Variants in FER1L6 observed in about 807,000 individuals in gnomAD.
The protein encoded by FER1L6 is fer-1-like protein 6.
In FER1L6, 177 loss-of-function variants were observed where a neutral mutation model predicts 219.2. The ratio of observed to expected loss-of-function variants is 0.81; its 90% CI spans 0.71 to 0.91. The LOEUF is 0.91. FER1L6 is among the 40% of genes least tolerant of loss of function. The pLI, the probability that FER1L6 is intolerant of heterozygous loss-of-function variation, is 0.00. For synonymous variants in FER1L6, 768 were observed against 824.3 expected (o/e 0.93, Z 1.17); for missense variants, 2,153 against 2,259.9 (o/e 0.95, Z 0.96).
At chr8:123,930,854 A>T (rs369524269) in intron 1 of FER1L6, among the ~76,000 whole-genome samples, 1 of 152,104 alleles carries the variant, frequency 6.6e-6, no homozygotes, top group African/African-American at 2.4e-5. Flanking sequence ...GCCTCTGATG[A>T]CTTGGGATGG....
rs546965617 is a variant in FER1L6 at position 123,920,040 on chromosome 8, T to A, written c.-7-35952T>A. Among the ~76,000 whole-genome samples, 6 of 152,298 alleles carry A rather than the reference T, an allele frequency of 3.9e-5. No homozygotes were observed. The East Asian group carries it at 1.2e-3, about 29-fold the overall frequency. Reference sequence around the variant, plus strand: ...TCTCTTACAAAACACAATTTCAAATTCTTATGAAGAATTGCAAGGTGGTGA... The same window carrying A: ...TCTCTTACAAAACACAATTTCAAATACTTATGAAGAATTGCAAGGTGGTGA... On this transcript the variant is annotated intron_variant, in intron 1 of 40. Transcript: ENST00000522917.
chr8:123,971,558 C>T (rs1815818096), intron 6 of FER1L6, among the ~76,000 whole-genome samples: 1 of 152,202 alleles, frequency 6.6e-6, no homozygotes, highest in Non-Finnish European at 1.5e-5. Context: ...TCAAAGCTAC[C>T]ATTGCCTATC....
chr8:123,867,252 C>T (rs1816852256), intron 1 of FER1L6, among the ~76,000 whole-genome samples: 1 of 152,168 alleles, frequency 6.6e-6, no homozygotes, highest in Admixed American at 6.5e-5. Context: ...TATGGTGTGA[C>T]ATTTTCATTT....
intron 11 of FER1L6, chr8:123,985,842 GA>G: frequency 2.3e-6 from 1 of 439,764 alleles, no homozygotes; most frequent in Non-Finnish European, 4.0e-6. Context: ...TAGAAGCTCA[GA>G]AGGTTGAGAC....
At chr8:124,051,406 C>T (rs147737571) in intron 22 of FER1L6, among the ~76,000 whole-genome samples, 1 of 152,132 alleles carries the variant, frequency 6.6e-6, no homozygotes, top group Non-Finnish European at 1.5e-5. Flanking sequence ...GATACAGGCC[C>T]CTCAACCTCA....
intron 1 of FER1L6, among the ~76,000 whole-genome samples, chr8:123,937,550 T>C (rs541929286): frequency 1.3e-5 from 2 of 152,264 alleles, no homozygotes; most frequent in Admixed American, 6.5e-5. Flanking sequence ...ATACTCACGT[T>C]GGAAAGAAGA....
intron 25 of FER1L6, among the ~76,000 whole-genome samples, chr8:124,063,645 T>A (rs1820693196): frequency 1.3e-5 from 2 of 152,168 alleles, no homozygotes; most frequent in Non-Finnish European, 2.9e-5. Flanking sequence ...TTTCTTTGTG[T>A]CTATGCCCAG....
At chr8:123,921,882 G>T (rs34895349) in intron 1 of FER1L6, among the ~76,000 whole-genome samples, 1 of 151,964 alleles carries the variant, frequency 6.6e-6, no homozygotes, top group Admixed American at 6.6e-5. Flanking sequence ...TTGTCAAGCC[G>T]CTTGTAACGT....
chr8:123,869,913 C>G (rs763086637), intron 1 of FER1L6, among the ~76,000 whole-genome samples: 4 of 152,174 alleles, frequency 2.6e-5, no homozygotes, highest in East Asian at 3.8e-4. Context: ...GTCAATTGCT[C>G]TTTTACAAAG....
chr8:123,875,280 A>C (rs1339082164), intron 1 of FER1L6, among the ~76,000 whole-genome samples: 1 of 152,164 alleles, frequency 6.6e-6, no homozygotes, highest in Non-Finnish European at 1.5e-5. Flanking sequence ...TTCTCTCTTG[A>C]ATCAACTCTG....
At chr8:123,988,725 T>G (rs975581917) in intron 12 of FER1L6, among the ~76,000 whole-genome samples, 1 of 152,228 alleles carries the variant, frequency 6.6e-6, no homozygotes, top group African/African-American at 2.4e-5. Context: ...AGGTTTTTGG[T>G]GGAATATTTA....
intron 1 of FER1L6, among the ~76,000 whole-genome samples, chr8:123,919,357 T>C (rs7821233): frequency 0.33 from 50,187 of 152,186 alleles, 8,790 homozygotes; most frequent in East Asian, 0.45. Context: ...GCTTTGCATT[T>C]ACTCTTTATG....
rs771855059 is a variant in FER1L6 at position 123,973,525 on chromosome 8, C to T, written c.526+13C>T. 1.3e-6 allele frequency: 2 copies of T among 1,598,038 alleles called. No individual in the cohort carries two copies. Among genetic ancestry groups the T allele is most frequent in the African/African-American group, 1.3e-5 (1 of 74,678 alleles). On this transcript the variant is annotated intron_variant, in intron 7 of 40. Coordinates refer to ENST00000522917, the MANE Select transcript of FER1L6 (RefSeq NM_001039112.2). ...TACAACCAACCTGGTAAGAAAACAT[C>T]ACCTCCCCATCTGTATCTCACTTGT... is the stretch of plus-strand genomic sequence containing the variant.
chr8:123,857,676 T>G (rs1816671824), intron 1 of FER1L6, among the ~76,000 whole-genome samples: 1 of 152,148 alleles, frequency 6.6e-6, no homozygotes, highest in African/African-American at 2.4e-5. Context: ...ATGGATGGGC[T>G]CGTCCTGGTG....
intron 12 of FER1L6, among the ~76,000 whole-genome samples, chr8:123,996,411 T>A (rs764199712): frequency 8.5e-5 from 13 of 152,302 alleles, no homozygotes; most frequent in Non-Finnish European, 1.8e-4. Flanking sequence ...TTCATAATTT[T>A]TATGTTGAAA....
intron 39 of FER1L6, among the ~76,000 whole-genome samples, chr8:124,114,870 A>C (rs1404000589): frequency 1.4e-5 from 2 of 143,814 alleles, no homozygotes; most frequent in Non-Finnish European, 3.0e-5. Context: ...ATACATGTAT[A>C]CATATATATG....
At chr8:124,042,540 A>G (rs893814837) in intron 20 of FER1L6, among the ~76,000 whole-genome samples, 1 of 152,208 alleles carries the variant, frequency 6.6e-6, no homozygotes, top group African/African-American at 2.4e-5. Context: ...GTCCAATTCC[A>G]GAGTCACTTT....
At chr8:124,040,788 C>G (rs1247686218) in intron 20 of FER1L6, 5 of 152,238 alleles carry the variant, frequency 3.3e-5, no homozygotes, top group Admixed American at 3.3e-4. Context: ...CTTCTGAAGC[C>G]ACCAGTTCCC....
At chr8:124,002,826 C>T (rs1366923906) in intron 12 of FER1L6, among the ~76,000 whole-genome samples, 1 of 151,964 alleles carries the variant, frequency 6.6e-6, no homozygotes, top group East Asian at 1.9e-4. Context: ...TCTTTACCAA[C>T]ATCTCTATAG....
Sources: gnomAD v4.1 joint callset for allele counts (sites outside exome capture counted in the v4.1 genomes callset) on GRCh38, gnomAD v4.1.1 for gene constraint, MANE v1.5 for transcripts, NCBI Gene and HGNC (gene_info 2026-07-23, HGNC 2026-07-21) for gene names.